The following RBFOX1 variants were observed in gnomAD, a reference collection of about 807,000 sequenced individuals.
RBFOX1 encodes RNA binding protein fox-1 homolog 1.
RBFOX1 carries 8 observed loss-of-function variants against 57.7 expected under a neutral mutation model. The ratio of observed to expected loss-of-function variants is 0.14; its 90% confidence interval spans 0.08 to 0.25. The LOEUF is 0.25. RBFOX1 is among the 10% of genes least tolerant of loss of function. RBFOX1 has a pLI of 1.00. For missense variants in RBFOX1, 611 were observed against 548.5 expected (o/e 1.11, Z -1.14); for synonymous variants, 326 against 222.4 (o/e 1.47, Z -4.15).
intron 5 of RBFOX1, among the ~76,000 whole-genome samples, chr16:7,547,396 A>G (rs960405947): frequency 4.6e-5 from 7 of 152,250 alleles, no homozygotes; most frequent in Non-Finnish European, 7.3e-5. Context: ...TAATTTATTA[A>G]GTGAGCACCT....
At chr16:7,453,274 G>A (rs1454589187) in intron 4 of RBFOX1, among the ~76,000 whole-genome samples, 2 of 152,110 alleles carry the variant, frequency 1.3e-5, no homozygotes, top group Non-Finnish European at 2.9e-5. Flanking sequence ...ATTCCAGGCT[G>A]TGGGATTGGC....
chr16:5,530,694 G>A (rs569906891), intron 2 of RBFOX1, among the ~76,000 whole-genome samples: 3 of 152,198 alleles, frequency 2.0e-5, no homozygotes, highest in East Asian at 3.9e-4. Flanking sequence ...CCCATTCCCA[G>A]GTGAGACTAC....
intron 4 of RBFOX1, among the ~76,000 whole-genome samples, chr16:7,077,979 T>G (rs964533171): frequency 3.3e-5 from 5 of 152,188 alleles, no homozygotes; most frequent in Non-Finnish European, 7.3e-5. Flanking sequence ...CTGTGCTGTC[T>G]CCTGAGTTAC....
intron 4 of RBFOX1, among the ~76,000 whole-genome samples, chr16:7,256,924 G>C (rs1269976632): frequency 6.6e-6 from 1 of 152,204 alleles, no homozygotes; most frequent in East Asian, 1.9e-4. Flanking sequence ...CTCTCTCCCT[G>C]ACCACATGGG....
chr16:6,898,837 GTGTGCA>G (rs1371781383), intron 3 of RBFOX1, among the ~76,000 whole-genome samples: 2 of 151,242 alleles, frequency 1.3e-5, no homozygotes, highest in African/African-American at 2.4e-5. Flanking sequence ...GTGTGTATGT[GTGTGCA>G]TGTGTATGTG....
chr16:7,125,865 C>G (rs1185329521), intron 4 of RBFOX1, among the ~76,000 whole-genome samples: 1 of 152,070 alleles, frequency 6.6e-6, no homozygotes, highest in Non-Finnish European at 1.5e-5. Context: ...GGTGGATTAC[C>G]TGAGGTCAGG....
chr16:7,118,261 C>T (rs1318077981), intron 4 of RBFOX1, among the ~76,000 whole-genome samples: 1 of 152,114 alleles, frequency 6.6e-6, no homozygotes, highest in Non-Finnish European at 1.5e-5. Flanking sequence ...ATTGTTGTTT[C>T]ACTTTTTAAC....
intron 1 of RBFOX1, among the ~76,000 whole-genome samples, chr16:6,118,795 CTCCT>C (rs141645206): frequency 0.032 from 4,728 of 147,230 alleles, 223 homozygotes; most frequent in African/African-American, 0.11. Context: ...CTTTCTCTCT[CTCCT>C]TCCTTCCTTC....
intron 5 of RBFOX1, among the ~76,000 whole-genome samples, chr16:7,542,720 A>T (rs1380335756): frequency 8.5e-6 from 1 of 117,908 alleles, no homozygotes; most frequent in African/African-American, 3.0e-5. Flanking sequence ...AAAAAAAAAA[A>T]GCCAGGCATG....
intron 1 of RBFOX1, among the ~76,000 whole-genome samples, chr16:6,087,039 G>A (rs2096096170): frequency 6.6e-6 from 1 of 152,162 alleles, no homozygotes; most frequent in African/African-American, 2.4e-5. Flanking sequence ...GTGGTGATGT[G>A]GAGTGAGACG....
intron 4 of RBFOX1, among the ~76,000 whole-genome samples, chr16:5,932,883 C>T (rs1271505105): frequency 6.6e-6 from 1 of 152,042 alleles, no homozygotes; most frequent in Non-Finnish European, 1.5e-5. Context: ...GTGGCATTGC[C>T]AAGCCATTTG....
chr16:7,078,353 T>C (rs1263390079), intron 4 of RBFOX1, among the ~76,000 whole-genome samples: 1 of 152,110 alleles, frequency 6.6e-6, no homozygotes, highest in Non-Finnish European at 1.5e-5. Context: ...CCCATATACT[T>C]TATTTATTTA....
rs533017926 is a variant in RBFOX1 at position 5,504,085 on chromosome 16, C to G, written c.258+36831C>G. On this transcript the variant is annotated intron_variant, in intron 2 of 2. Transcript: ENST00000585867. ...CATCTGGAGCAGCATCTCCAGAGGG[C>G]GATGGCTGGGGGCGGAGGGAACTTG... 7.1e-4 allele frequency among the ~76,000 whole-genome samples: 108 copies of G among 152,332 alleles called. 1 individual carries two copies. The highest frequency in any genetic ancestry group is 2.5e-3 in the African/African-American group (104 of 41,586).
intron 3 of RBFOX1, among the ~76,000 whole-genome samples, chr16:5,851,734 C>T (rs1253558395): frequency 6.6e-6 from 1 of 152,188 alleles, no homozygotes; most frequent in African/African-American, 2.4e-5. Flanking sequence ...ATACTGTGTC[C>T]TTTTAAAAAG....
At chr16:5,296,867 T>G (rs2063682621) in intron 1 of RBFOX1, among the ~76,000 whole-genome samples, 1 of 151,814 alleles carries the variant, frequency 6.6e-6, no homozygotes, top group South Asian at 2.1e-4. Flanking sequence ...TTAGTAGAGA[T>G]AGGGTTTCAT....
At chr16:5,956,376 A>T (rs2059639438) in intron 4 of RBFOX1, among the ~76,000 whole-genome samples, 2 of 152,186 alleles carry the variant, frequency 1.3e-5, no homozygotes, top group South Asian at 2.1e-4. Context: ...TGCAAATTTG[A>T]CAGATTTATA....
chr16:6,004,850 C>A (rs910097203), intron 4 of RBFOX1, among the ~76,000 whole-genome samples: 1 of 152,092 alleles, frequency 6.6e-6, no homozygotes, highest in Non-Finnish European at 1.5e-5. Flanking sequence ...ACGTATTAGA[C>A]CTTAGGTGGA....
intron 4 of RBFOX1, among the ~76,000 whole-genome samples, chr16:7,210,250 T>C (rs532800352): frequency 1.4e-4 from 22 of 152,116 alleles, no homozygotes; most frequent in Non-Finnish European, 2.1e-4. Context: ...GGAGTACTTA[T>C]AGGATTGCGA....
At chr16:6,689,090 A>G (rs2110351) in intron 3 of RBFOX1, among the ~76,000 whole-genome samples, 99,986 of 152,170 alleles carry the variant, frequency 0.66, 37,240 homozygotes, top group Non-Finnish European at 0.83. Context: ...CAGTGCTGCA[A>G]TAAACATACA....
Sources: gnomAD v4.1 joint callset for allele counts (sites outside exome capture counted in the v4.1 genomes callset) on GRCh38, gnomAD v4.1.1 for gene constraint, MANE v1.5 for transcripts, NCBI Gene and HGNC (gene_info 2026-07-23, HGNC 2026-07-21) for gene names.